The following SPTA1 variants were observed in gnomAD, a reference collection of about 807,000 sequenced individuals.
SPTA1 encodes the protein spectrin alpha, erythrocytic 1, also known as spectrin alpha chain, erythrocytic 1.
In SPTA1, 177 loss-of-function variants were observed where a neutral mutation model predicts 324.7. The observed-to-expected ratio is 0.55, with a 90% CI of 0.48 to 0.62. The LOEUF is 0.62. SPTA1 is among the 20% of genes least tolerant of loss of function. SPTA1 has a pLI of 0.00. For synonymous variants in SPTA1, 1,195 were observed against 1,041.3 expected (o/e 1.15, Z -2.84); for missense variants, 3,162 against 2,883.6 (o/e 1.10, Z -2.21).
intron 39 of SPTA1, among the ~76,000 whole-genome samples, chr1:158,628,409 A>G (rs117059222): frequency 1.6e-4 from 24 of 152,292 alleles, no homozygotes; most frequent in East Asian, 9.6e-4. Flanking sequence ...TATACAACAT[A>G]GTAAGTCAGG....
rs775596545 is a variant in SPTA1, at chr1:158,639,957, T to A, written c.4788A>T (p.Thr1596=). 13 of 1,613,806 alleles carry A rather than the reference T, an allele frequency of 8.1e-6. 1 individual carries two copies. In the South Asian group the frequency reaches 1.3e-4, roughly 16 times the overall value. ...KEHWDHLLER[T]NDKGKKLNEA... The stretch of plus-strand genomic sequence containing the variant: ...CATTGAGCTTCTTCCCTTTGTCATT[T>A]GTTCTCTCAAGCAGATGATCCCAAT... Residue 1596 remains threonine (T), a synonymous_variant, in exon 34 of 52, where the codon ACA becomes ACT. Coordinates refer to ENST00000643759, the MANE Select transcript of SPTA1 (RefSeq NM_003126.4).
intron 37 of SPTA1, among the ~76,000 whole-genome samples, chr1:158,636,307 C>A (rs1355049914): frequency 6.6e-6 from 1 of 152,134 alleles, no homozygotes; most frequent in Non-Finnish European, 1.5e-5. Flanking sequence ...CACAGAGTGA[C>A]CCTGCTGCCA....
At chr1:158,678,288 T>C in intron 6 of SPTA1, 113 bp downstream of exon 6, 1 of 1,420,436 alleles carries the variant, frequency 7.0e-7, no homozygotes, top group South Asian at 1.2e-5. Context: ...GATCCACTTT[T>C]GTTTGAAGTG....
chr1:158,616,514 C>G (rs1479248858), intron 47 of SPTA1, among the ~76,000 whole-genome samples: 3 of 152,158 alleles, frequency 2.0e-5, no homozygotes, highest in Admixed American at 6.5e-5. Context: ...ATTTGTCTTA[C>G]TGTGCTTGGC....
intron 51 of SPTA1, 97 bp from the exon 52 acceptor site, chr1:158,611,486 G>C (rs1649258656): frequency 1.4e-6 from 2 of 1,450,442 alleles, no homozygotes; most frequent in South Asian, 2.4e-5. Flanking sequence ...AGGAGATGGA[G>C]AGTCTCTGGA....
Position 158,683,442 on chromosome 1 carries a change from G to A in SPTA1, c.319C>T (p.Leu107Phe), listed in dbSNP as rs572059809. Reference sequence around the variant, plus strand: ...CTTGTTTTTTCCAGTTCAGACATGAGTCTTGATTTTGTTTGCACCTCTGCT... The same window carrying A: ...CTTGTTTTTTCCAGTTCAGACATGAATCTTGATTTTGTTTGCACCTCTGCT... ...LEAEVQTKSR[L>F]MSELEKTREE... The change falls in exon 3 of 52, where the codon CTC becomes TTC. Residue 107 changes from leucine to phenylalanine, a missense_variant. Leu to Phe is a conservative substitution (Grantham distance 22). Coordinates refer to ENST00000643759, the MANE Select transcript of SPTA1 (RefSeq NM_003126.4). 2.9e-5 allele frequency: 46 copies of A among 1,613,340 alleles called. No homozygotes were observed. The South Asian group carries it at 5.1e-4, about 18-fold the overall frequency.
At chr1:158,626,648 GTGTGTGTGTGTTTA>G (rs150855183) in intron 41 of SPTA1, among the ~76,000 whole-genome samples, 177 bp downstream of exon 41, 1,777 of 151,754 alleles carry the variant, frequency 0.012, 46 homozygotes, top group African/African-American at 0.041. Context: ...TTCTCACTTT[GTGTGTGTGTGTTTA>G]TGTGTGTGTG....
At chr1:158,676,078 T>C (rs1318604238) in intron 8 of SPTA1, 63 bp downstream of exon 8, 4 of 1,606,552 alleles carry the variant, frequency 2.5e-6, no homozygotes, top group South Asian at 2.2e-5. Flanking sequence ...TTATTTCTTC[T>C]CTCGCTATTA....
At position 158,622,722 on chromosome 1, in the gene SPTA1, C is replaced by T. The variant is rs549161641; in HGVS notation, c.6120+261G>A. ...TCTATCATACACAAAGACCTCCCAT[C>T]CTCTTGTTCCATCCACCTCTTCCAC... On this transcript the variant is annotated intron_variant, in intron 43 of 51. Coordinates refer to ENST00000643759, the MANE Select transcript of SPTA1 (RefSeq NM_003126.4). The T allele has an allele frequency of 6.3e-4, 276 of 436,228 alleles. 3 individuals carry two copies. The highest frequency in any genetic ancestry group is 5.5e-3 in the South Asian group (254 of 46,412). 27.0% of individuals were successfully genotyped at this position (436,228 alleles called of 1,614,324 possible).
rs535920806 is a variant in SPTA1 at position 158,625,982 on chromosome 1, G to A, written c.5910+164C>T. ...GAAAACCCAGTAGCAAGATTCATGA[G>A]AGAGAGGGAAAAAATAATAATTAGG... On this transcript the variant is annotated intron_variant, in intron 42 of 51. Transcript: ENST00000643759. Among the ~76,000 whole-genome samples the A allele has an allele frequency of 1.2e-4, 18 of 152,010 alleles. No individual in the cohort carries two copies. The South Asian group carries it at 3.5e-3, about 30-fold the overall frequency.
chr1:158,635,872 A>G (rs1428009147), intron 38 of SPTA1, 41 bp downstream of exon 38: 2 of 1,613,870 alleles, frequency 1.2e-6, no homozygotes, highest in Non-Finnish European at 1.7e-6. Flanking sequence ...CCCAATATCC[A>G]AAATCCAGGA....
chr1:158,611,166 C>G lies in SPTA1; in HGVS notation c.*98G>C. On this transcript the variant is annotated 3_prime_UTR_variant, in exon 52 of 52. Transcript: ENST00000643759. Reference sequence around the variant, plus strand: ...ACACACACACACACACACACACACACGAGGCCATCTTTATCTTCCACATTT... The same window carrying G: ...ACACACACACACACACACACACACAGGAGGCCATCTTTATCTTCCACATTT... The G allele has an allele frequency of 1.4e-6, 2 of 1,387,716 alleles. No homozygotes were observed. Among genetic ancestry groups the G allele is most frequent in the Admixed American group, 1.8e-5 (1 of 57,030 alleles). 86.0% of individuals were successfully genotyped at this position (1,387,716 alleles called of 1,614,324 possible). A position where few individuals can be genotyped will look rare whatever the true frequency, so the allele number is the denominator to read the frequency against.
In SPTA1 at chr1:158,645,232, A is replaced by G. The variant is rs767600483; in HGVS notation, c.4150T>C (p.Trp1384Arg). ...KLERDDLEKA[W>R]EKRKKILDQC... is the part of the protein sequence containing the mutation. ...TCTAGGATCTTCTTGCGTTTTTCCC[A>G]AGCCTTCTCCAAATCATCTCTCTCT... Residue 1384 changes from tryptophan to arginine, a missense_variant, in exon 29 of 52, where the codon TGG becomes CGG. Transcript: ENST00000643759. The G allele has an allele frequency of 3.7e-6, 6 of 1,613,954 alleles. No individual in the cohort carries two copies. Among genetic ancestry groups the G allele is most frequent in the Non-Finnish European group, 5.1e-6 (6 of 1,179,882 alleles).
intron 39 of SPTA1, among the ~76,000 whole-genome samples, 179 bp downstream of exon 39, chr1:158,634,364 C>T (rs748550442): frequency 3.9e-5 from 6 of 152,160 alleles, no homozygotes; most frequent in Middle Eastern, 3.2e-3. Flanking sequence ...TAATCTTGGG[C>T]AAGTCACTTA....
At chr1:158,617,018 AT>A (rs968410955) in intron 47 of SPTA1, among the ~76,000 whole-genome samples, 8 of 146,306 alleles carry the variant, frequency 5.5e-5, no homozygotes, top group African/African-American at 7.7e-5. Context: ...TCATTACTTA[AT>A]TTTTTTCTCC....
At chr1:158,684,998 GA>G in intron 2 of SPTA1, 109 bp downstream of exon 2, 3 of 1,315,180 alleles carry the variant, frequency 2.3e-6, no homozygotes, top group Middle Eastern at 1.9e-4. Context: ...TTTCTAAACG[GA>G]ATCTAATTGT....
intron 27 of SPTA1, among the ~76,000 whole-genome samples, chr1:158,647,186 A>T (rs535118620): frequency 2.4e-4 from 37 of 152,192 alleles, no homozygotes; most frequent in African/African-American, 8.9e-4. Context: ...CTGAATTCCC[A>T]CTGCTGTTTG....
chr1:158,620,628 A>C, intron 43 of SPTA1, 162 bp from the exon 44 acceptor site: 2 of 794,992 alleles, frequency 2.5e-6, no homozygotes, highest in Non-Finnish European at 3.9e-6. Context: ...TTGATGGTTG[A>C]ACATGTGAGT....
At chr1:158,651,322 A>T in intron 24 of SPTA1, 45 bp downstream of exon 24, 1 of 1,365,398 alleles carries the variant, frequency 7.3e-7, no homozygotes, top group South Asian at 1.2e-5. Context: ...AGGACTCCCA[A>T]AGCCCAACCT....
Sources: allele counts gnomAD v4.1 joint callset (sites outside exome capture counted in the v4.1 genomes callset), GRCh38; gene constraint gnomAD v4.1.1; transcripts MANE v1.5; gene names NCBI Gene and HGNC (gene_info 2026-07-23, HGNC 2026-07-21).